The following ANKRD22 variants were observed in gnomAD, a reference collection of about 807,000 sequenced individuals.
The protein encoded by ANKRD22 is ankyrin repeat domain-containing protein 22.
A neutral mutation model predicts 25.7 loss-of-function variants in ANKRD22; 24 were observed. That is an observed-to-expected ratio of 0.93 (90% CI 0.68 to 1.31). The LOEUF is 1.31. Ranked by LOEUF, ANKRD22 falls within the 50% of genes most tolerant of loss-of-function variation. The pLI is 0.00. For synonymous variants in ANKRD22, 84 were observed against 84.3 expected (o/e 1.00, Z 0.02); for missense variants, 214 against 227.1 (o/e 0.94, Z 0.37).
At chr10:88,837,596 C>A (rs1843965641) in intron 1 of ANKRD22, among the ~76,000 whole-genome samples, 1 of 152,198 alleles carries the variant, frequency 6.6e-6, no homozygotes, top group South Asian at 2.1e-4. Flanking sequence ...GAGGTTTGAT[C>A]TTCATTCATT....
chr10:88,831,029 T>A (rs894801356), intron 2 of ANKRD22, among the ~76,000 whole-genome samples: 1 of 123,850 alleles, frequency 8.1e-6, no homozygotes, highest in African/African-American at 2.6e-5. Context: ...TTACTCCTGA[T>A]GAGCTAGTCT....
chr10:88,828,567 A>C lies in ANKRD22; in HGVS notation c.313T>G (p.Phe105Val), dbSNP rs751842023. 1.0e-5 allele frequency: 16 copies of C among 1,602,006 alleles called. No individual in the cohort carries two copies. The Admixed American group carries it at 2.0e-4, about 20-fold the overall frequency. ...LLMPVLLIGY[F>V]LMVSKTKQNE... Reference sequence around the variant, plus strand: ...ACAAGTGTTGTACTCACCATGAGGAAATACCCAATAAGCAGAACAGGCATT... The same window carrying C: ...ACAAGTGTTGTACTCACCATGAGGACATACCCAATAAGCAGAACAGGCATT... Residue 105 changes from phenylalanine to valine, a missense_variant, in exon 3 of 6, where the codon TTC becomes GTC. Phe to Val is a conservative substitution (Grantham distance 50, BLOSUM62 -1). Coordinates refer to ENST00000371930, the MANE Select transcript of ANKRD22 (RefSeq NM_144590.3).
intron 1 of ANKRD22, among the ~76,000 whole-genome samples, chr10:88,848,038 A>C (rs1353638510): frequency 2.6e-5 from 4 of 151,898 alleles, no homozygotes; most frequent in Admixed American, 2.6e-4. Flanking sequence ...GACCCATCAC[A>C]TGAGGTCAAG....
intron 4 of ANKRD22, among the ~76,000 whole-genome samples, chr10:88,824,118 C>G (rs924659791): frequency 1.3e-5 from 2 of 152,238 alleles, no homozygotes; most frequent in Admixed American, 6.5e-5. Flanking sequence ...GTCGGGTGCT[C>G]TTGCTGCAGG....
At chr10:88,842,775 A>C (rs1844014052) in intron 1 of ANKRD22, among the ~76,000 whole-genome samples, 1 of 152,178 alleles carries the variant, frequency 6.6e-6, no homozygotes, top group African/African-American at 2.4e-5. Flanking sequence ...TGTTTCACAT[A>C]CTTGGAAAAA....
At chr10:88,835,974 C>G (rs555386448) in intron 1 of ANKRD22, among the ~76,000 whole-genome samples, 16 of 152,246 alleles carry the variant, frequency 1.1e-4, no homozygotes, top group Non-Finnish European at 2.2e-4. Context: ...TTTGGGGGCA[C>G]CCTGGGTGTA....
intron 1 of ANKRD22, among the ~76,000 whole-genome samples, chr10:88,850,191 C>G (rs1458708171): frequency 6.6e-6 from 1 of 151,822 alleles, no homozygotes; most frequent in Non-Finnish European, 1.5e-5. Flanking sequence ...TTTAAAGAGT[C>G]TCAAACTCTT....
At position 88,851,611 on chromosome 10, in the gene ANKRD22, G is replaced by C. The variant is rs200029497; in HGVS notation, c.-4C>G. On this transcript the variant is annotated 5_prime_UTR_variant, in exon 1 of 6. Coordinates refer to ENST00000371930, the MANE Select transcript of ANKRD22 (RefSeq NM_144590.3). ...CCTCAGAGTATAGGATTCCCATGCT[G>C]GTCCTTCACAGGCTTACTTCACCTC... 2 of 1,613,228 alleles carry C rather than the reference G, an allele frequency of 1.2e-6. No homozygotes were observed. The highest frequency in any genetic ancestry group is 4.5e-5 in the East Asian group (2 of 44,864).
At chr10:88,828,882 G>T (rs1843879994) in intron 2 of ANKRD22, among the ~76,000 whole-genome samples, 1 of 152,022 alleles carries the variant, frequency 6.6e-6, no homozygotes, top group Admixed American at 6.6e-5. Flanking sequence ...AGGGCTCCTG[G>T]GAGTCAACAA....
chr10:88,828,127 G>A (rs1434896027), intron 3 of ANKRD22, among the ~76,000 whole-genome samples: 3 of 152,152 alleles, frequency 2.0e-5, no homozygotes, highest in Non-Finnish European at 4.4e-5. Flanking sequence ...TCAGCTTCTG[G>A]ATGCAAACTT....
chr10:88,835,230 T>C (rs1843942847), intron 1 of ANKRD22, among the ~76,000 whole-genome samples: 1 of 152,214 alleles, frequency 6.6e-6, no homozygotes, highest in Non-Finnish European at 1.5e-5. Flanking sequence ...TTTTGAGGGC[T>C]TTCTCAACCC....
rs78050225 is a variant in ANKRD22 at position 88,827,974 on chromosome 10, A to T, written c.321+585T>A. 5.0e-3 allele frequency among the ~76,000 whole-genome samples: 768 copies of T among 152,314 alleles called. 10 individuals carry two copies. The highest frequency in any genetic ancestry group is 0.018 in the African/African-American group (731 of 41,552). The stretch of plus-strand genomic sequence containing the variant: ...AAAACCATCTCAAGCTTCATCTTCT[A>T]CTCCTCATATGACTGCATCTCTATA... On this transcript the variant is annotated intron_variant, in intron 3 of 5. Transcript: ENST00000371930.
intron 1 of ANKRD22, among the ~76,000 whole-genome samples, chr10:88,848,262 C>T (rs1844072155): frequency 6.7e-6 from 1 of 150,148 alleles, no homozygotes; most frequent in Admixed American, 6.7e-5. Context: ...AGTATGTACT[C>T]AATAAATATG....
At chr10:88,836,103 A>T (rs1040136417) in intron 1 of ANKRD22, among the ~76,000 whole-genome samples, 2 of 152,154 alleles carry the variant, frequency 1.3e-5, no homozygotes, top group South Asian at 4.1e-4. Context: ...CACCAAGACT[A>T]TTGCACACAA....
At chr10:88,849,128 G>T (rs578045822) in intron 1 of ANKRD22, among the ~76,000 whole-genome samples, 35 of 152,108 alleles carry the variant, frequency 2.3e-4, no homozygotes, top group African/African-American at 8.2e-4. Context: ...AACGCTTTTT[G>T]GGGCCTGTGT....
At chr10:88,845,867 T>C (rs1844042983) in intron 1 of ANKRD22, among the ~76,000 whole-genome samples, 1 of 152,124 alleles carries the variant, frequency 6.6e-6, no homozygotes, top group South Asian at 2.1e-4. Flanking sequence ...TTACCCGCTT[T>C]CCATTGTGTT....
At chr10:88,827,717 T>C (rs1843868128) in intron 3 of ANKRD22, among the ~76,000 whole-genome samples, 1 of 152,230 alleles carries the variant, frequency 6.6e-6, no homozygotes, top group South Asian at 2.1e-4. Context: ...AAATACCCAA[T>C]GAAATAATAA....
At chr10:88,846,095 TTACTGGTGGAC>T (rs1437081600) in intron 1 of ANKRD22, among the ~76,000 whole-genome samples, 1 of 152,200 alleles carries the variant, frequency 6.6e-6, no homozygotes, top group Non-Finnish European at 1.5e-5. Context: ...TTCTTCCAAC[TTACTGGTGGAC>T]TCTGAAGGTA....
chr10:88,820,200 A>G lies in ANKRD22; in HGVS notation c.*2741T>C, dbSNP rs1318821984. 2.0e-6 allele frequency: 3 copies of G among 1,507,720 alleles called. No homozygotes were observed. Among genetic ancestry groups the G allele is most frequent in the East Asian group, 2.5e-5 (1 of 40,684 alleles). The allele number at this position is 1,507,720 out of a possible 1,614,324, so 93.4% of individuals were successfully genotyped here. ...TTATGAGCCTGAAAGTCCAAATGTT[A>G]CCTAGAGTTAAGAACTATTCCTTTT... On this transcript the variant is annotated 3_prime_UTR_variant, in exon 6 of 6. Coordinates refer to ENST00000371930, the MANE Select transcript of ANKRD22 (RefSeq NM_144590.3).
Sources: gnomAD v4.1 joint callset for allele counts (sites outside exome capture counted in the v4.1 genomes callset) on GRCh38, gnomAD v4.1.1 for gene constraint, MANE v1.5 for transcripts, NCBI Gene and HGNC (gene_info 2026-07-23, HGNC 2026-07-21) for gene names.